The following ASGR2 variants were observed in gnomAD, a reference collection of about 807,000 sequenced individuals.
The protein encoded by ASGR2 is C-type lectin domain family 4 member H2.
A neutral mutation model predicts 32.3 loss-of-function variants in ASGR2; 34 were observed. That is an observed-to-expected ratio of 1.05 (90% confidence interval 0.80 to 1.40). The LOEUF is 1.40. Among genes scored for constraint, ASGR2 ranks in the 40% most tolerant of loss-of-function variants. ASGR2 has a pLI of 0.00. For synonymous variants in ASGR2, 143 were observed against 150.0 expected (o/e 0.95, Z 0.34); for missense variants, 385 against 386.4 (o/e 1.00, Z 0.03).
chr17:7,102,342 T>C, intron 7 of ASGR2, 146 bp from the exon 8 acceptor site: 2 of 698,054 alleles, frequency 2.9e-6, no homozygotes, highest in South Asian at 3.2e-5. Flanking sequence ...GACTGCTTCC[T>C]AGCTTTTTCT....
At position 7,107,472 on chromosome 17, in the gene ASGR2, CCA is replaced by C; in HGVS notation, c.410-157_410-156del. On this transcript the variant is annotated intron_variant, in intron 5 of 8. Transcript: ENST00000691900. The surrounding 1 kb of genome is among the most constrained non-coding windows in gnomAD (Gnocchi z 5.0). ...CACACACACACCACAGACATGTACA[CCA>C]CACATAGACCACACCACACACAGAT... 1 of 753,842 alleles carries C rather than the reference CCA, an allele frequency of 1.3e-6. No individual in the cohort carries two copies. The highest frequency in any genetic ancestry group is 2.2e-6 in the Non-Finnish European group (1 of 454,150). The allele number at this position is 753,842 out of a possible 1,614,324, so 46.7% of individuals were successfully genotyped here.
At position 7,107,274 on chromosome 17, in the gene ASGR2, G is replaced by T; in HGVS notation, c.453C>A (p.Asp151Glu). The T allele has an allele frequency of 6.2e-7, 1 of 1,614,092 alleles. No individual in the cohort carries two copies. Among genetic ancestry groups the T allele is most frequent in the Non-Finnish European group, 8.5e-7 (1 of 1,180,038 alleles). ...CCATCTGGCAGGCCACGAAGCGCAGGTCCACGGGGAAGTGCTTCAGATGGA... is the reference window on the plus strand; with the variant it reads ...CCATCTGGCAGGCCACGAAGCGCAGTTCCACGGGGAAGTGCTTCAGATGGA... ...LLFHLKHFPV[D>E]LRFVACQMEL... Residue 151 changes from aspartate to glutamate, a missense_variant, in exon 6 of 9, where the codon GAC (aspartate) becomes GAA (glutamate). Asp to Glu is a conservative substitution (Grantham distance 45, BLOSUM62 2). Transcript: ENST00000691900. This position sits in a 1 kb window ranked among gnomAD's most constrained non-coding sequence, Gnocchi z 5.0.
chr17:7,104,686 CACTT>C (rs1057282271), intron 7 of ASGR2, among the ~76,000 whole-genome samples: 5 of 148,940 alleles, frequency 3.4e-5, no homozygotes, highest in South Asian at 2.1e-4. Context: ...TCAGATAAAA[CACTT>C]GAGGGGCCGG....
At chr17:7,111,795 G>A (rs1045062502) in intron 2 of ASGR2, among the ~76,000 whole-genome samples, 4 of 151,148 alleles carry the variant, frequency 2.6e-5, no homozygotes, top group African/African-American at 2.4e-5. Flanking sequence ...AGGTCGACAC[G>A]GGGGGAATCA....
intron 7 of ASGR2, among the ~76,000 whole-genome samples, chr17:7,104,105 A>G (rs186589244): frequency 6.6e-6 from 1 of 151,596 alleles, no homozygotes; most frequent in East Asian, 1.9e-4. Context: ...TCCCAGCACT[A>G]TGGGAGGCCA....
intron 7 of ASGR2, among the ~76,000 whole-genome samples, 187 bp from the exon 8 acceptor site, chr17:7,102,383 T>C (rs899326894): frequency 1.3e-5 from 2 of 152,164 alleles, no homozygotes; most frequent in African/African-American, 4.8e-5. Context: ...TCAGTGCACA[T>C]TTGCTAGGCT....
chr17:7,101,868 T>C, intron 8 of ASGR2, 128 bp from the exon 9 acceptor site: 1 of 1,306,094 alleles, frequency 7.7e-7, no homozygotes, highest in East Asian at 2.4e-5. Context: ...TGCTACCCAG[T>C]CTGGGGAGAA....
Position 7,107,907 on chromosome 17 carries a change from C to G in ASGR2, c.338G>C (p.Gly113Ala). ...LTEVQAISTH[G>A]GSVGDKITSL... is the part of the protein sequence containing the mutation. ...TGTGATCTTGTCACCCACGCTGCCT[C>G]CTGGAAGCGGAAAGCCAGCTGTTTC... The change falls in exon 5 of 9, where the codon GGA (glycine) becomes GCA (alanine). Residue 113 changes from glycine (G) to alanine (A), a missense_variant and splice_region_variant. Gly to Ala is a moderately conservative substitution (Grantham distance 60). Coordinates refer to ENST00000691900, the MANE Select transcript of ASGR2 (RefSeq NM_001201352.2). This position sits in a 1 kb window ranked among gnomAD's most constrained non-coding sequence, Gnocchi z 5.0. 6.2e-7 allele frequency: 1 copy of G among 1,613,924 alleles called. No homozygotes were observed. The highest frequency in any genetic ancestry group is 8.5e-7 in the Non-Finnish European group (1 of 1,179,974).
chr17:7,109,140 A>G (rs1914299410), intron 2 of ASGR2, among the ~76,000 whole-genome samples: 1 of 151,812 alleles, frequency 6.6e-6, no homozygotes, highest in Non-Finnish European at 1.5e-5. Context: ...CACACGACTC[A>G]GGATATTCAC....
At chr17:7,104,010 AAG>A (rs1555580630) in intron 7 of ASGR2, among the ~76,000 whole-genome samples, 4 of 152,000 alleles carry the variant, frequency 2.6e-5, no homozygotes, top group Non-Finnish European at 5.9e-5. Context: ...ATAAAAAAAA[AAG>A]AGAACATGAT....
Position 7,107,983 on chromosome 17 carries a change from G to A in ASGR2, c.338-76C>T, listed in dbSNP as rs538419409. 3.5e-5 allele frequency: 55 copies of A among 1,551,430 alleles called. No homozygotes were observed. In the African/African-American group the frequency reaches 5.4e-4, roughly 15 times the overall value. On this transcript the variant is annotated intron_variant, in intron 4 of 8. Coordinates refer to ENST00000691900, the MANE Select transcript of ASGR2 (RefSeq NM_001201352.2). This position sits in a 1 kb window ranked among gnomAD's most constrained non-coding sequence, Gnocchi z 5.0. ...TGCTGCTGGGGGACCGGGGGCCAGC[G>A]CCTCGTCCTGGGCGATGCAGGCGTC...
chr17:7,111,921 T>C (rs920256927), intron 2 of ASGR2, among the ~76,000 whole-genome samples: 1 of 146,916 alleles, frequency 6.8e-6, no homozygotes. Flanking sequence ...CACATGCCTA[T>C]AGTCCCAGCT....
rs1913984465 is a variant in ASGR2 at position 7,107,719 on chromosome 17, G to A, written c.409+117C>T. On this transcript the variant is annotated intron_variant, in intron 5 of 8. Transcript: ENST00000691900. The surrounding 1 kb of genome is among the most constrained non-coding windows in gnomAD (Gnocchi z 5.0). ...GAGACACAGATACACATGCTTGCAGGCACACACACGCACGCACGCACACGT... is the reference window on the plus strand; with the variant it reads ...GAGACACAGATACACATGCTTGCAGACACACACACGCACGCACGCACACGT... 1 of 1,216,334 alleles carries A rather than the reference G, an allele frequency of 8.2e-7. No homozygotes were observed. 75.3% of individuals were successfully genotyped at this position (1,216,334 alleles called of 1,614,324 possible).
chr17:7,107,441 C>T lies in ASGR2; in HGVS notation c.410-124G>A. On this transcript the variant is annotated intron_variant, in intron 5 of 8. Transcript: ENST00000691900. This position sits in a 1 kb window ranked among gnomAD's most constrained non-coding sequence, Gnocchi z 5.0. ...CACCATGCATAGACCACACCACACA[C>T]CATACCACACACACACCACAGACAT... is the stretch of plus-strand genomic sequence containing the variant. 2.2e-6 allele frequency: 2 copies of T among 905,042 alleles called. No individual in the cohort carries two copies. Among genetic ancestry groups the T allele is most frequent in the South Asian group, 3.0e-5 (2 of 65,688 alleles). The allele number at this position is 905,042 out of a possible 1,614,324, so 56.1% of individuals were successfully genotyped here.
At chr17:7,112,021 A>T (rs894696882) in intron 2 of ASGR2, among the ~76,000 whole-genome samples, 19 of 58,156 alleles carry the variant, frequency 3.3e-4, no homozygotes, top group South Asian at 7.8e-4. Context: ...CAGCCTGGGC[A>T]ACAGAGTGAG....
At position 7,110,749 on chromosome 17, in the gene ASGR2, C is replaced by A. The variant is rs904737384; in HGVS notation, c.125-1861G>T. On this transcript the variant is annotated intron_variant, in intron 2 of 8. Transcript: ENST00000691900. ...CCCAAGATGGGAAGAGTTCTTCTCT[C>A]CCCAGAAACAATCAAAACAAAAACA... Among the ~76,000 whole-genome samples, 4 of 152,316 alleles carry A rather than the reference C, an allele frequency of 2.6e-5. No individual in the cohort carries two copies. In the South Asian group the frequency reaches 8.3e-4, roughly 32 times the overall value.
chr17:7,102,851 G>A (rs1224964382), intron 7 of ASGR2, among the ~76,000 whole-genome samples: 3 of 152,128 alleles, frequency 2.0e-5, no homozygotes, highest in African/African-American at 4.8e-5. Flanking sequence ...TCTGACAATC[G>A]GGGCAAAATA....
chr17:7,102,306 C>T (rs1912960320), intron 7 of ASGR2, 110 bp from the exon 8 acceptor site: 3 of 866,996 alleles, frequency 3.5e-6, no homozygotes, highest in Non-Finnish European at 5.7e-6. Flanking sequence ...GATCTGCCCT[C>T]AGGCTGAAGC....
At position 7,114,666 on chromosome 17, in the gene ASGR2, T is replaced by G; in HGVS notation, c.-122A>C. On this transcript the variant is annotated 5_prime_UTR_variant, in exon 1 of 9. Coordinates refer to ENST00000691900, the MANE Select transcript of ASGR2 (RefSeq NM_001201352.2). The surrounding 1 kb of genome is among the most constrained non-coding windows in gnomAD (Gnocchi z 4.5). ...CTGGCTCCCGCAGGCAACCCTGGCC[T>G]TGGCCAAGGAGGGGTTAAAGCCAGG... is the stretch of plus-strand genomic sequence containing the variant. The G allele has an allele frequency of 9.8e-7, 1 of 1,023,832 alleles. No homozygotes were observed. Among genetic ancestry groups the G allele is most frequent in the Non-Finnish European group, 1.2e-6 (1 of 852,810 alleles). The allele number at this position is 1,023,832 out of a possible 1,614,324, so 63.4% of individuals were successfully genotyped here.
Sources: allele counts gnomAD v4.1 joint callset (sites outside exome capture counted in the v4.1 genomes callset), GRCh38; gene constraint gnomAD v4.1.1; non-coding constraint Gnocchi (gnomAD v3.1); transcripts MANE v1.5; gene names NCBI Gene and HGNC (gene_info 2026-07-23, HGNC 2026-07-21).